ANO1: variants seen among roughly 807,000 people sequenced by gnomAD.
ANO1 encodes the protein anoctamin 1.
Under a neutral mutation model 124.0 loss-of-function variants are expected in ANO1, and 59 were observed. The observed-to-expected ratio is 0.48, with a 90% CI of 0.39 to 0.59. The LOEUF is 0.59. ANO1 is among the 20% of genes least tolerant of loss of function. ANO1 has a pLI of 0.00. For synonymous variants in ANO1, 529 were observed against 532.0 expected, an observed-to-expected ratio of 0.99 and a Z score of 0.08; for missense variants, 1,059 against 1,328.0, an observed-to-expected ratio of 0.80 and a Z score of 3.15.
chr11:70,167,122 G>C, intron 20 of ANO1, 120 bp from the exon 21 acceptor site: 1 of 1,323,562 alleles, frequency 7.6e-7, no homozygotes, highest in Non-Finnish European at 1.0e-6. Context: ...ACTCCAGCCT[G>C]AGCAAAAAGA....
At chr11:70,008,236 C>T (rs1416671956) in intron 1 of ANO1, among the ~76,000 whole-genome samples, 1 of 152,120 alleles carries the variant, frequency 6.6e-6, no homozygotes, top group Non-Finnish European at 1.5e-5. Flanking sequence ...ATTTCCTTTG[C>T]TGTGCAGAAG....
chr11:70,056,523 T>G (rs1218973495), intron 1 of ANO1: 1 of 152,116 alleles, frequency 6.6e-6, no homozygotes, highest in Non-Finnish European at 1.5e-5. Flanking sequence ...TTTTCAACAT[T>G]GTGCTAGATG....
chr11:69,970,047 G>A, the ANO1 span, among the ~76,000 whole-genome samples: 2 of 152,244 alleles, frequency 1.3e-5, no homozygotes, highest in Non-Finnish European at 2.9e-5. Context: ...GGGTTCCCCG[G>A]TGTGAGAGGG....
At chr11:69,980,436 C>T in the ANO1 span, among the ~76,000 whole-genome samples, 17 of 151,536 alleles carry the variant, frequency 1.1e-4, no homozygotes, top group South Asian at 2.1e-4. Context: ...CTGGCTAACA[C>T]GGTGAAACCC....
intron 19 of ANO1, among the ~76,000 whole-genome samples, chr11:70,165,017 T>G (rs1490292094): frequency 2.0e-5 from 3 of 152,158 alleles, no homozygotes; most frequent in African/African-American, 7.2e-5. Flanking sequence ...GATGGGGGTC[T>G]CACAGTTCTG....
At chr11:70,113,427 T>C (rs1184134392) in intron 7 of ANO1, among the ~76,000 whole-genome samples, 1 of 152,156 alleles carries the variant, frequency 6.6e-6, no homozygotes, top group Non-Finnish European at 1.5e-5. Flanking sequence ...ACCAGGGCAG[T>C]GGCTCCGGGT....
At chr11:70,021,439 T>C (rs1453715381) in intron 1 of ANO1, among the ~76,000 whole-genome samples, 2 of 151,726 alleles carry the variant, frequency 1.3e-5, no homozygotes, top group Non-Finnish European at 2.9e-5. Flanking sequence ...CAACTTCAGT[T>C]TTTAGAATAA....
intron 2 of ANO1, among the ~76,000 whole-genome samples, chr11:70,096,873 T>C (rs1473474628): frequency 6.6e-6 from 1 of 151,550 alleles, no homozygotes; most frequent in Non-Finnish European, 1.5e-5. Flanking sequence ...AAAATAATAA[T>C]AATAATAATA....
chr11:70,170,822 G>A (rs1382986420), intron 21 of ANO1, 65 bp from the exon 22 acceptor site: 1 of 1,544,676 alleles, frequency 6.5e-7, no homozygotes, highest in Admixed American at 1.9e-5. Context: ...CACACGGGGT[G>A]GTGGAGTCCC....
chr11:70,156,567 C>T (rs762977674), intron 15 of ANO1, among the ~76,000 whole-genome samples: 1 of 152,184 alleles, frequency 6.6e-6, no homozygotes, highest in Non-Finnish European at 1.5e-5. Context: ...GGGAAAACAT[C>T]TTCCATCTTC....
chr11:69,973,082 GTA>G, the ANO1 span, among the ~76,000 whole-genome samples: 1 of 151,822 alleles, frequency 6.6e-6, no homozygotes, highest in African/African-American at 2.4e-5. Flanking sequence ...GATAATTTTT[GTA>G]TTTTTAGTAG....
chr11:70,085,147 C>T (rs1317426853), intron 1 of ANO1, among the ~76,000 whole-genome samples: 3 of 152,178 alleles, frequency 2.0e-5, no homozygotes, highest in Admixed American at 6.5e-5. Flanking sequence ...GCCTCAGTTT[C>T]CTCCTTGGCG....
At chr11:70,072,330 C>T (rs574398525) in intron 1 of ANO1, 1 of 152,452 alleles carries the variant, frequency 6.6e-6, no homozygotes, top group Admixed American at 6.5e-5. Context: ...TACAGAGACC[C>T]CCAACCTGGC....
chr11:70,053,701 A>G (rs550831468), intron 1 of ANO1, among the ~76,000 whole-genome samples: 3 of 152,254 alleles, frequency 2.0e-5, no homozygotes, highest in African/African-American at 4.8e-5. Flanking sequence ...TTCAGGTTCA[A>G]ATTCATTGGG....
At chr11:70,128,639 C>T (rs1309668019) in intron 10 of ANO1, among the ~76,000 whole-genome samples, 3 of 152,208 alleles carry the variant, frequency 2.0e-5, no homozygotes, top group African/African-American at 4.8e-5. Flanking sequence ...GCGGGAGGTG[C>T]GTGCTCCCTG....
intron 1 of ANO1, among the ~76,000 whole-genome samples, chr11:70,017,754 A>T (rs1205726167): frequency 6.6e-6 from 1 of 151,932 alleles, no homozygotes; most frequent in Non-Finnish European, 1.5e-5. Context: ...CCCTGGGCTC[A>T]AGCAATCCTC....
At chr11:70,101,773 G>T (rs1107443) in intron 2 of ANO1, among the ~76,000 whole-genome samples, 50,263 of 151,716 alleles carry the variant, frequency 0.33, 9,155 homozygotes, top group Middle Eastern at 0.43. Flanking sequence ...GCCGGCACTC[G>T]CTCTTCCTCC....
chr11:70,105,698 G>A (rs2045499883), intron 4 of ANO1, 36 bp from the exon 5 acceptor site: 1 of 1,604,868 alleles, frequency 6.2e-7, no homozygotes, highest in Non-Finnish European at 8.5e-7. Context: ...CAGCTCTGGT[G>A]AACTGTGTCT....
intron 11 of ANO1, among the ~76,000 whole-genome samples, chr11:70,137,542 C>T (rs1482618647): frequency 6.9e-6 from 1 of 145,120 alleles, no homozygotes; most frequent in Non-Finnish European, 1.5e-5. Flanking sequence ...GGCTGTGACT[C>T]CCCAGCCTCC....
Sources: allele counts gnomAD v4.1 joint callset (sites outside exome capture counted in the v4.1 genomes callset), GRCh38; gene constraint gnomAD v4.1.1; transcripts MANE v1.5; gene names NCBI Gene and HGNC (gene_info 2026-07-23, HGNC 2026-07-21).